The following AKAP19 variants were observed in gnomAD, a reference collection of about 807,000 sequenced individuals.
The protein encoded by AKAP19 is A-kinase anchoring protein 19.
the AKAP19 span, among the ~76,000 whole-genome samples, chr2:190,081,583 T>C: frequency 1.3e-5 from 2 of 152,198 alleles, no homozygotes; most frequent in African/African-American, 2.4e-5. Flanking sequence ...TACATGAGCA[T>C]GTTAGTCAAT....
chr2:190,120,127 T>C, the AKAP19 span, among the ~76,000 whole-genome samples: 1 of 152,162 alleles, frequency 6.6e-6, no homozygotes. Context: ...GCGGGCAAGT[T>C]TGTTTACAGC....
the AKAP19 span, among the ~76,000 whole-genome samples, chr2:190,059,113 T>C: frequency 6.6e-6 from 1 of 151,896 alleles, no homozygotes; most frequent in African/African-American, 2.4e-5. Context: ...AATTATATCA[T>C]CTTTATAACT....
chr2:189,941,400 T>C, the AKAP19 span, among the ~76,000 whole-genome samples: 2 of 152,168 alleles, frequency 1.3e-5, no homozygotes, highest in South Asian at 4.1e-4. Context: ...AAAACAATAA[T>C]AGCTACAGCA....
At chr2:190,159,304 G>A in the AKAP19 span, among the ~76,000 whole-genome samples, 1 of 152,182 alleles carries the variant, frequency 6.6e-6, no homozygotes, top group Non-Finnish European at 1.5e-5. Flanking sequence ...AGTCCCCCAG[G>A]AGGCTCACTT....
chr2:189,884,310 G>T, the AKAP19 span, among the ~76,000 whole-genome samples: 1 of 151,982 alleles, frequency 6.6e-6, no homozygotes, highest in African/African-American at 2.4e-5. Flanking sequence ...TGGTGATGCT[G>T]TACTGTCAAA....
the AKAP19 span, among the ~76,000 whole-genome samples, chr2:190,068,374 G>C: frequency 6.6e-6 from 1 of 152,188 alleles, no homozygotes; most frequent in African/African-American, 2.4e-5. Flanking sequence ...CTGTCACCCA[G>C]GCTGCAGTAC....
the AKAP19 span, among the ~76,000 whole-genome samples, chr2:189,969,869 C>CTTTTTTTTTT: frequency 1.7e-4 from 19 of 109,942 alleles, no homozygotes; most frequent in African/African-American, 2.9e-4. Flanking sequence ...TCTTCTTCTT[C>CTTTTTTTTTT]TTTTTTTTTT....
chr2:189,924,009 G>A, the AKAP19 span: 4 of 1,581,002 alleles, frequency 2.5e-6, no homozygotes, highest in Non-Finnish European at 3.5e-6. Context: ...GAGGAGCAGA[G>A]CAGCAGCTCC....
the AKAP19 span, among the ~76,000 whole-genome samples, chr2:190,176,536 G>C: frequency 6.6e-6 from 1 of 152,114 alleles, no homozygotes; most frequent in Non-Finnish European, 1.5e-5. The surrounding 1 kb of genome is among the most constrained non-coding windows in gnomAD (Gnocchi z 4.7). Flanking sequence ...TTTTAGTAGA[G>C]ACGGAGTTTC....
the AKAP19 span, among the ~76,000 whole-genome samples, chr2:190,133,770 T>A: frequency 6.6e-6 from 1 of 152,142 alleles, no homozygotes; most frequent in Non-Finnish European, 1.5e-5. Flanking sequence ...CTCACTTAAA[T>A]GTGGACTCTA....
At chr2:190,166,315 C>CT in the AKAP19 span, among the ~76,000 whole-genome samples, 3 of 88,954 alleles carry the variant, frequency 3.4e-5, no homozygotes, top group African/African-American at 1.4e-4. Flanking sequence ...AAAAAATCCA[C>CT]TCTTTTTTTT....
chr2:189,913,951 T>A, the AKAP19 span, among the ~76,000 whole-genome samples: 4 of 152,090 alleles, frequency 2.6e-5, no homozygotes, highest in Admixed American at 1.3e-4. Context: ...ATGCTTAGAC[T>A]ATGCTTTAGA....
At chr2:190,067,123 C>T in the AKAP19 span, among the ~76,000 whole-genome samples, 18 of 152,166 alleles carry the variant, frequency 1.2e-4, no homozygotes, top group African/African-American at 4.1e-4. Context: ...ATATTTAACA[C>T]ATATATATTA....
the AKAP19 span, among the ~76,000 whole-genome samples, chr2:189,933,252 G>A: frequency 6.6e-6 from 1 of 152,198 alleles, no homozygotes; most frequent in Non-Finnish European, 1.5e-5. Flanking sequence ...CTCTCATAAA[G>A]ACTTCTACTC....
the AKAP19 span, among the ~76,000 whole-genome samples, chr2:189,953,634 CAAAAAAAAAAA>C: frequency 4.3e-4 from 31 of 72,828 alleles, 1 homozygote; most frequent in African/African-American, 2.9e-4. Context: ...AACTCCATCT[CAAAAAAAAAAA>C]AAAAAAAAAA....
the AKAP19 span, among the ~76,000 whole-genome samples, chr2:189,954,942 T>TA: frequency 0.016 from 2,486 of 152,286 alleles, 70 homozygotes; most frequent in African/African-American, 0.057. Flanking sequence ...AATTCTTTTT[T>TA]AAAAAAATAT....
chr2:190,056,351 C>T, the AKAP19 span: 3 of 152,428 alleles, frequency 2.0e-5, no homozygotes, highest in African/African-American at 7.2e-5. Context: ...TTGATAGAGT[C>T]GATCATTTCT....
chr2:190,193,976 G>A, the AKAP19 span, among the ~76,000 whole-genome samples: 2 of 152,002 alleles, frequency 1.3e-5, no homozygotes, highest in Admixed American at 6.5e-5. Context: ...AAATTTTGAT[G>A]TTTTGGCTTT....
At chr2:189,892,347 T>C in the AKAP19 span, among the ~76,000 whole-genome samples, 1 of 152,040 alleles carries the variant, frequency 6.6e-6, no homozygotes, top group Non-Finnish European at 1.5e-5. Context: ...CTTTTTGCAC[T>C]GGGTTTTTCT....
Sources: allele counts gnomAD v4.1 joint callset (sites outside exome capture counted in the v4.1 genomes callset), GRCh38; gene constraint gnomAD v4.1.1; non-coding constraint Gnocchi (gnomAD v3.1); transcripts MANE v1.5; gene names NCBI Gene and HGNC (gene_info 2026-07-23, HGNC 2026-07-21).